The following CADM1 variants were observed in gnomAD, a reference collection of about 807,000 sequenced individuals.
CADM1 encodes cell adhesion molecule 1.
Under a neutral mutation model 53.1 loss-of-function variants are expected in CADM1, and 15 were observed. That is an observed-to-expected ratio of 0.28 (90% CI 0.19 to 0.44). The LOEUF (loss-of-function observed/expected upper bound fraction) is 0.44. Ranked by LOEUF, CADM1 falls within the 20% of genes least tolerant of loss-of-function variation. The probability of loss-of-function intolerance (pLI) is 1.00; values close to 1 mark genes in which losing one functional copy is unlikely to be tolerated. For missense variants in CADM1, 434 were observed against 611.3 expected (o/e 0.71, Z 3.06); for synonymous variants, 281 against 243.0 (o/e 1.16, Z -1.45).
intron 1 of CADM1, among the ~76,000 whole-genome samples, chr11:115,359,730 G>C (rs913391476): frequency 2.0e-5 from 3 of 152,130 alleles, no homozygotes; most frequent in African/African-American, 7.2e-5. Flanking sequence ...TTTGTTGAAT[G>C]TTTTAAATTT....
chr11:115,419,371 C>T (rs1339273641), intron 1 of CADM1, among the ~76,000 whole-genome samples: 1 of 152,186 alleles, frequency 6.6e-6, no homozygotes, highest in African/African-American at 2.4e-5. Context: ...TCTTCCTTTT[C>T]CCCTCTTCTT....
At chr11:115,360,847 C>A (rs1946008323) in intron 1 of CADM1, among the ~76,000 whole-genome samples, 1 of 151,648 alleles carries the variant, frequency 6.6e-6, no homozygotes, top group South Asian at 2.1e-4. Context: ...AAAACCTACT[C>A]ATAAAATACA....
intron 1 of CADM1, among the ~76,000 whole-genome samples, chr11:115,424,257 C>T (rs936702429): frequency 1.3e-5 from 2 of 152,170 alleles, no homozygotes; most frequent in Admixed American, 1.3e-4. Flanking sequence ...CTAACAGAGT[C>T]GGGTCCTGTA....
Position 115,224,641 on chromosome 11 carries a change from C to T in CADM1, c.721+4472G>A, listed in dbSNP as rs147010844. 2.2e-3 allele frequency among the ~76,000 whole-genome samples: 336 copies of T among 152,250 alleles called. 3 individuals are homozygous for T. Among genetic ancestry groups the T allele is most frequent in the African/African-American group, 7.7e-3 (320 of 41,548 alleles). ...TAATTCAAGAGCTTCATATTCACCC[C>T]AGTCCAGAGGAAGGCTTTCCTCCCT... On this transcript the variant is annotated intron_variant, in intron 5 of 11. Transcript: ENST00000331581.
At chr11:115,318,453 T>G (rs1438617798) in intron 1 of CADM1, among the ~76,000 whole-genome samples, 1 of 152,138 alleles carries the variant, frequency 6.6e-6, no homozygotes, top group Non-Finnish European at 1.5e-5. Context: ...GAAACTAGAG[T>G]CATAATGTCC....
intron 2 of CADM1, among the ~76,000 whole-genome samples, 184 bp from the exon 3 acceptor site, chr11:115,238,836 G>C (rs940167586): frequency 2.0e-5 from 3 of 152,020 alleles, no homozygotes; most frequent in Admixed American, 2.0e-4. Context: ...GTGTATGTGT[G>C]AGTGTGTGTG....
chr11:115,467,964 T>G (rs1218296198), intron 1 of CADM1, among the ~76,000 whole-genome samples: 1 of 152,224 alleles, frequency 6.6e-6, no homozygotes, highest in Non-Finnish European at 1.5e-5. Flanking sequence ...CATTTCATCT[T>G]GATTATAGCC....
chr11:115,328,059 C>G (rs979567432), intron 1 of CADM1, among the ~76,000 whole-genome samples: 1 of 151,918 alleles, frequency 6.6e-6, no homozygotes, highest in Non-Finnish European at 1.5e-5. Flanking sequence ...GATTCAAATC[C>G]TTTTTCCAAA....
At chr11:115,313,776 T>G (rs1944589801) in intron 1 of CADM1, among the ~76,000 whole-genome samples, 1 of 152,138 alleles carries the variant, frequency 6.6e-6, no homozygotes, top group Non-Finnish European at 1.5e-5. Flanking sequence ...CCTCCTGTAC[T>G]TTCTCCTTCC....
At chr11:115,192,907 C>T (rs904799008) in intron 9 of CADM1, among the ~76,000 whole-genome samples, 4 of 152,152 alleles carry the variant, frequency 2.6e-5, no homozygotes, top group Non-Finnish European at 2.9e-5. Flanking sequence ...ATCTACTGCT[C>T]GGATTACGTT....
chr11:115,429,977 C>T (rs1948002211), intron 1 of CADM1, among the ~76,000 whole-genome samples: 1 of 151,830 alleles, frequency 6.6e-6, no homozygotes, highest in African/African-American at 2.4e-5. Flanking sequence ...TATCAGCAAA[C>T]TGGAAAAAGA....
At chr11:115,502,177 G>C (rs1260042877) in intron 1 of CADM1, among the ~76,000 whole-genome samples, 1 of 152,072 alleles carries the variant, frequency 6.6e-6, no homozygotes, top group Non-Finnish European at 1.5e-5. Flanking sequence ...TACAAATATA[G>C]TACCGTTGCT....
chr11:115,361,721 C>CTTA (rs1203290595), intron 1 of CADM1, among the ~76,000 whole-genome samples: 1 of 151,862 alleles, frequency 6.6e-6, no homozygotes, highest in African/African-American at 2.4e-5. Flanking sequence ...ACACCCAAAC[C>CTTA]TTATTATTAT....
chr11:115,251,502 G>A (rs888585904), intron 1 of CADM1, among the ~76,000 whole-genome samples: 4 of 151,532 alleles, frequency 2.6e-5, no homozygotes, highest in African/African-American at 7.3e-5. Flanking sequence ...AGTGTATTCT[G>A]TGAGTGTGTG....
chr11:115,482,382 C>T (rs2135411800), intron 1 of CADM1, among the ~76,000 whole-genome samples: 1 of 152,294 alleles, frequency 6.6e-6, no homozygotes, highest in South Asian at 2.1e-4. Context: ...CTATATAATT[C>T]ATCTTTGTAA....
intron 1 of CADM1, among the ~76,000 whole-genome samples, chr11:115,328,565 T>A (rs1945020234): frequency 6.7e-6 from 1 of 149,426 alleles, no homozygotes; most frequent in Non-Finnish European, 1.5e-5. Context: ...AATTCCCTTG[T>A]CTGCCTACAT....
chr11:115,446,867 T>C lies in CADM1; in HGVS notation c.124+57404A>G, dbSNP rs570769850. On this transcript the variant is annotated intron_variant, in intron 1 of 11. Coordinates refer to ENST00000331581, the MANE Select transcript of CADM1 (RefSeq NM_001301043.2). ...ATTTCAAATAAAAAACCAGGATCCA[T>C]CATCGTCTGCCCCTACCCTCCAGGG... 4.4e-4 allele frequency among the ~76,000 whole-genome samples: 67 copies of C among 152,210 alleles called. 1 individual carries two copies. In the South Asian group the frequency reaches 7.1e-3, roughly 16 times the overall value.
chr11:115,230,952 A>G (rs1354567813), intron 4 of CADM1, among the ~76,000 whole-genome samples: 1 of 152,234 alleles, frequency 6.6e-6, no homozygotes, highest in East Asian at 1.9e-4. Context: ...GTATACCCTG[A>G]AAATGTGGGC....
chr11:115,277,626 T>TG (rs1426062116), intron 1 of CADM1, among the ~76,000 whole-genome samples: 1 of 152,200 alleles, frequency 6.6e-6, no homozygotes, highest in Non-Finnish European at 1.5e-5. Context: ...GCCATCCTCA[T>TG]GCTTGGTTCA....
Sources: allele counts gnomAD v4.1 joint callset (sites outside exome capture counted in the v4.1 genomes callset), GRCh38; gene constraint gnomAD v4.1.1; transcripts MANE v1.5; gene names NCBI Gene and HGNC (gene_info 2026-07-23, HGNC 2026-07-21).